Variants in PAK5 observed in about 807,000 individuals in gnomAD.
PAK5 encodes p21 (RAC1) activated kinase 5, also known as serine/threonine-protein kinase PAK 5.
PAK5 carries 16 observed loss-of-function variants against 65.9 expected under a neutral mutation model. The ratio of observed to expected loss-of-function variants is 0.24; its 90% confidence interval spans 0.16 to 0.37. PAK5 has a LOEUF of 0.37. Among genes scored for constraint, PAK5 ranks in the 10% least tolerant of loss-of-function variants. The pLI, the probability that PAK5 is intolerant of heterozygous loss-of-function variation, is 1.00. For synonymous variants in PAK5, 371 were observed against 354.9 expected (o/e 1.05, Z -0.51); for missense variants, 785 against 903.9 (o/e 0.87, Z 1.69).
intron 2 of PAK5, among the ~76,000 whole-genome samples, chr20:9,658,057 A>C (rs907794173): frequency 2.0e-5 from 3 of 152,182 alleles, no homozygotes; most frequent in African/African-American, 7.2e-5. Context: ...TCTTTTAGCG[A>C]AGTAGGGTTT....
intron 2 of PAK5, among the ~76,000 whole-genome samples, chr20:9,701,645 G>A (rs916980819): frequency 6.6e-6 from 1 of 152,082 alleles, no homozygotes; most frequent in Non-Finnish European, 1.5e-5. Context: ...ATGCAGTCTA[G>A]GTAATTTAAA....
chr20:9,603,360 C>T (rs891395954), intron 3 of PAK5, among the ~76,000 whole-genome samples: 2 of 152,180 alleles, frequency 1.3e-5, no homozygotes, highest in South Asian at 2.1e-4. Context: ...ACTCCACCTT[C>T]TCTGTTTTCT....
chr20:9,698,082 A>G (rs969107206), intron 2 of PAK5, among the ~76,000 whole-genome samples: 1 of 152,170 alleles, frequency 6.6e-6, no homozygotes, highest in Non-Finnish European at 1.5e-5. Flanking sequence ...GAAGAAAAAA[A>G]TCAGATAGCA....
intron 6 of PAK5, among the ~76,000 whole-genome samples, chr20:9,558,760 CAG>C (rs1568962418): frequency 6.6e-6 from 1 of 152,158 alleles, no homozygotes; most frequent in Non-Finnish European, 1.5e-5. Flanking sequence ...TTACTAATAA[CAG>C]AGTGTGAATG....
chr20:9,705,949 A>G (rs2048001202), intron 2 of PAK5, among the ~76,000 whole-genome samples: 1 of 151,890 alleles, frequency 6.6e-6, no homozygotes. Flanking sequence ...GCACCTGGTG[A>G]TTTGGGCGAG....
At chr20:9,660,306 A>G (rs1253629673) in intron 2 of PAK5, among the ~76,000 whole-genome samples, 1 of 151,778 alleles carries the variant, frequency 6.6e-6, no homozygotes, top group East Asian at 1.9e-4. Flanking sequence ...CCAAGCAAAA[A>G]TCTGTGGTAG....
chr20:9,723,412 T>A (rs2048240608), intron 1 of PAK5, among the ~76,000 whole-genome samples: 1 of 152,146 alleles, frequency 6.6e-6, no homozygotes, highest in East Asian at 1.9e-4. Context: ...CAGATTTAAA[T>A]GTGTTGGTTA....
At chr20:9,666,404 T>C (rs954022661) in intron 2 of PAK5, among the ~76,000 whole-genome samples, 1 of 126,018 alleles carries the variant, frequency 7.9e-6, no homozygotes, top group South Asian at 2.5e-4. Flanking sequence ...AAAAAAAACT[T>C]CAACAAAAGC....
chr20:9,668,935 C>T (rs569147265), intron 2 of PAK5, among the ~76,000 whole-genome samples: 4 of 152,244 alleles, frequency 2.6e-5, no homozygotes, highest in South Asian at 2.1e-4. Flanking sequence ...CCTCCTGGTG[C>T]CCAATATCAT....
At chr20:9,829,895 C>T (rs546351282) in intron 1 of PAK5, among the ~76,000 whole-genome samples, 1 of 152,336 alleles carries the variant, frequency 6.6e-6, no homozygotes, top group Non-Finnish European at 1.5e-5. Context: ...GCTCCCCTCC[C>T]CATCCCTTTC....
At chr20:9,811,222 G>T (rs2049294459) in intron 1 of PAK5, among the ~76,000 whole-genome samples, 1 of 152,042 alleles carries the variant, frequency 6.6e-6, no homozygotes, top group Admixed American at 6.6e-5. Flanking sequence ...GATCAAATTT[G>T]ATTTCTTGAA....
At chr20:9,708,055 TAC>T (rs1328352970) in intron 2 of PAK5, among the ~76,000 whole-genome samples, 2 of 152,214 alleles carry the variant, frequency 1.3e-5, no homozygotes, top group East Asian at 3.8e-4. Flanking sequence ...CTTACAATAC[TAC>T]AGTCTTTTGG....
At chr20:9,793,318 G>C (rs998867530) in intron 1 of PAK5, among the ~76,000 whole-genome samples, 1 of 152,090 alleles carries the variant, frequency 6.6e-6, no homozygotes, top group Non-Finnish European at 1.5e-5. Context: ...GTTTTAAAAA[G>C]ATAAAATTTT....
intron 1 of PAK5, among the ~76,000 whole-genome samples, chr20:9,824,317 G>A (rs1375643772): frequency 6.6e-6 from 1 of 152,196 alleles, no homozygotes; most frequent in Non-Finnish European, 1.5e-5. Flanking sequence ...ACTTTGGGAG[G>A]CCAAGGCAGG....
intron 5 of PAK5, among the ~76,000 whole-genome samples, chr20:9,563,588 T>C (rs968060924): frequency 6.6e-6 from 1 of 152,192 alleles, no homozygotes; most frequent in Non-Finnish European, 1.5e-5. Context: ...AAAATAAGTA[T>C]GGCATAGAAA....
In PAK5 at chr20:9,589,223, C is replaced by G. The variant is rs571803612; in HGVS notation, c.205-8293G>C. Among the ~76,000 whole-genome samples the G allele has an allele frequency of 3.7e-4, 56 of 152,290 alleles. No homozygotes were observed. The South Asian group carries it at 0.011, about 30-fold the overall frequency. ...CAAAGATTCTCTCAGAACTTATGTA[C>G]TTTTAAACTGTCTATCTAAATTCTT... On this transcript the variant is annotated intron_variant, in intron 3 of 9. Coordinates refer to ENST00000353224, the MANE Select transcript of PAK5 (RefSeq NM_177990.4).
intron 2 of PAK5, among the ~76,000 whole-genome samples, chr20:9,659,680 G>A (rs2047317731): frequency 6.6e-6 from 1 of 152,188 alleles, no homozygotes; most frequent in Admixed American, 6.5e-5. Flanking sequence ...AATCTTCTGA[G>A]TAGTTAAATA....
At position 9,644,205 on chromosome 20, in the gene PAK5, G is replaced by A. The variant is rs1444126025; in HGVS notation, c.124C>T (p.Leu42=). ...FTGLPQQWHS[L]LADTANRPKP... Reference sequence around the variant, plus strand: ...GGCCTGTTGGCCGTATCTGCTAACAGGCTGTGCCACTGCTGGGGAAGGCCG... The same window carrying A: ...GGCCTGTTGGCCGTATCTGCTAACAAGCTGTGCCACTGCTGGGGAAGGCCG... Residue 42 remains leucine (L), a synonymous_variant, in exon 3 of 10, where the codon CTG becomes TTG. Coordinates refer to ENST00000353224, the MANE Select transcript of PAK5 (RefSeq NM_177990.4). 1 of 1,610,808 alleles carries A rather than the reference G, an allele frequency of 6.2e-7. No individual in the cohort carries two copies. Among genetic ancestry groups the A allele is most frequent in the Admixed American group, 1.7e-5 (1 of 59,312 alleles).
At chr20:9,837,479 C>A (rs993645547) in intron 1 of PAK5, among the ~76,000 whole-genome samples, 6 of 152,198 alleles carry the variant, frequency 3.9e-5, no homozygotes, top group African/African-American at 1.4e-4. Context: ...ACCTTTCTCC[C>A]TAACTAACCT....
Sources: allele counts gnomAD v4.1 joint callset (sites outside exome capture counted in the v4.1 genomes callset), GRCh38; gene constraint gnomAD v4.1.1; transcripts MANE v1.5; gene names NCBI Gene and HGNC (gene_info 2026-07-23, HGNC 2026-07-21).